The following LHPP variants were observed in gnomAD, a reference collection of about 807,000 sequenced individuals.
LHPP encodes phospholysine phosphohistidine inorganic pyrophosphate phosphatase.
Under a neutral mutation model 30.3 loss-of-function variants are expected in LHPP, and 24 were observed. The observed-to-expected ratio is 0.79, with a 90% CI of 0.57 to 1.11. The LOEUF (loss-of-function observed/expected upper bound fraction) is 1.11. Ranked by LOEUF, LHPP falls within the 50% of genes most tolerant of loss-of-function variation. The pLI is 0.00. For synonymous variants in LHPP, 150 were observed against 157.1 expected (o/e 0.95, Z 0.34); for missense variants, 356 against 367.2 (o/e 0.97, Z 0.25).
At chr10:124,516,733 C>T (rs1231463805) in intron 5 of LHPP, among the ~76,000 whole-genome samples, 1 of 152,048 alleles carries the variant, frequency 6.6e-6, no homozygotes, top group East Asian at 1.9e-4. Context: ...AAGGCAATAC[C>T]TTCACCATTG....
At chr10:124,500,952 T>C (rs1953879909) in intron 5 of LHPP, among the ~76,000 whole-genome samples, 1 of 151,898 alleles carries the variant, frequency 6.6e-6, no homozygotes. Flanking sequence ...TACACAGATA[T>C]TCATAGCAGC....
At chr10:124,604,169 T>C (rs12779515) in intron 6 of LHPP, among the ~76,000 whole-genome samples, 97,430 of 152,114 alleles carry the variant, frequency 0.64, 31,493 homozygotes, top group African/African-American at 0.65. Context: ...GGCATGTCAT[T>C]CCCCGACCTG....
chr10:124,580,230 T>C (rs887793219), intron 6 of LHPP, among the ~76,000 whole-genome samples: 3 of 152,262 alleles, frequency 2.0e-5, no homozygotes, highest in African/African-American at 7.2e-5. Flanking sequence ...ACTTTGTTTA[T>C]GGCCTCTTAT....
At position 124,488,427 on chromosome 10, in the gene LHPP, C is replaced by T. The variant is rs774113542; in HGVS notation, c.319C>T (p.Arg107Cys). ...RPYLLIHDGV[R>C]SEFDQIDTSN... ...GTCTCTCTCTCTCTTTCCAGGAGTC[C>T]GCTCAGAATTTGATCAGATCGACAC... Residue 107 changes from arginine (R) to cysteine (C), a missense_variant, in exon 3 of 7, where the codon CGC becomes TGC. By Grantham distance (180) the Arg-to-Cys change is radical (BLOSUM62 -3). Transcript: ENST00000368842. The T allele has an allele frequency of 1.9e-5, 31 of 1,613,720 alleles. No homozygotes were observed. The highest frequency in any genetic ancestry group is 2.2e-5 in the East Asian group (1 of 44,860).
At chr10:124,598,750 C>T (rs1948984952) in intron 6 of LHPP, among the ~76,000 whole-genome samples, 3 of 151,142 alleles carry the variant, frequency 2.0e-5, no homozygotes, top group Admixed American at 1.3e-4. Context: ...TCCATCCATC[C>T]CCCTGTCCAT....
intron 5 of LHPP, among the ~76,000 whole-genome samples, chr10:124,506,219 A>C (rs1954059038): frequency 6.6e-6 from 1 of 151,172 alleles, no homozygotes; most frequent in South Asian, 2.1e-4. Context: ...ACTGTACTCT[A>C]GGCTGGACAA....
At chr10:124,507,143 A>G (rs1349735063) in intron 5 of LHPP, among the ~76,000 whole-genome samples, 12 of 55,458 alleles carry the variant, frequency 2.2e-4, no homozygotes, top group South Asian at 1.0e-3. Context: ...GGGGGGTTAG[A>G]GAGGATTTCA....
At chr10:124,554,186 A>T in intron 6 of LHPP, 2 of 433,490 alleles carry the variant, frequency 4.6e-6, no homozygotes, top group Non-Finnish European at 6.1e-6. Flanking sequence ...TTATTCATTT[A>T]TTCATTTTAT....
chr10:124,469,694 C>T (rs915061765), intron 1 of LHPP, among the ~76,000 whole-genome samples: 4 of 151,842 alleles, frequency 2.6e-5, no homozygotes, highest in Non-Finnish European at 5.9e-5. Context: ...AACAAGCAAA[C>T]ATTGAGTGCC....
At chr10:124,467,217 G>T (rs1377402843) in intron 1 of LHPP, among the ~76,000 whole-genome samples, 2 of 152,084 alleles carry the variant, frequency 1.3e-5, no homozygotes, top group Non-Finnish European at 2.9e-5. Context: ...AGGTGGGGGG[G>T]CTTGGACTGG....
chr10:124,468,152 C>T (rs901802436), intron 1 of LHPP, among the ~76,000 whole-genome samples: 2 of 152,160 alleles, frequency 1.3e-5, no homozygotes, highest in Non-Finnish European at 2.9e-5. Flanking sequence ...ATAGAACTGT[C>T]CAACAAACGT....
chr10:124,575,362 A>G (rs1483080266), intron 6 of LHPP, among the ~76,000 whole-genome samples: 3 of 152,158 alleles, frequency 2.0e-5, no homozygotes, highest in Non-Finnish European at 4.4e-5. Context: ...GGACAGGCAC[A>G]CTGGGGCTTA....
chr10:124,599,268 T>C (rs1422450250), intron 6 of LHPP, among the ~76,000 whole-genome samples: 8 of 151,494 alleles, frequency 5.3e-5, no homozygotes, highest in Non-Finnish European at 5.9e-5. Flanking sequence ...AACTGTCTGT[T>C]TGTCCATTCC....
chr10:124,512,616 C>CAAA (rs34808470), intron 5 of LHPP, among the ~76,000 whole-genome samples: 52 of 53,988 alleles, frequency 9.6e-4, no homozygotes, highest in East Asian at 2.1e-3. Context: ...GACTCCGTCT[C>CAAA]AAAAAAAAAA....
In LHPP at chr10:124,496,408, G is replaced by C. The variant is rs1953710491; in HGVS notation, c.468-553G>C. ...GCCTGTCTCCACCTCCATGAGACGG[G>C]AAGGAACAGTTGTCTTCTCATAAAA... On this transcript the variant is annotated intron_variant, in intron 3 of 6. Transcript: ENST00000368842. This position sits in a 1 kb window ranked among gnomAD's most constrained non-coding sequence, Gnocchi z 4.3. Among the ~76,000 whole-genome samples the C allele has an allele frequency of 6.6e-6, 1 of 152,198 alleles. No homozygotes were observed. The highest frequency in any genetic ancestry group is 2.4e-5 in the African/African-American group (1 of 41,460).
chr10:124,511,334 C>T lies in LHPP; in HGVS notation c.625-5846C>T, dbSNP rs112195863. Among the ~76,000 whole-genome samples, 536 of 152,296 alleles carry T rather than the reference C, an allele frequency of 3.5e-3. 3 individuals carry two copies. The highest frequency in any genetic ancestry group is 0.011 in the African/African-American group (476 of 41,558). ...CACATGATTACATTAAAATGTATGTCCTTGCTCTGCCTGGAGTCAAATAGT... is the reference window on the plus strand; with the variant it reads ...CACATGATTACATTAAAATGTATGTTCTTGCTCTGCCTGGAGTCAAATAGT... On this transcript the variant is annotated intron_variant, in intron 5 of 6. Transcript: ENST00000368842.
At chr10:124,601,540 A>G (rs1157195939) in intron 6 of LHPP, among the ~76,000 whole-genome samples, 1 of 152,176 alleles carries the variant, frequency 6.6e-6, no homozygotes, top group Non-Finnish European at 1.5e-5. Context: ...TGGGCGGCCA[A>G]GCGTCACCAC....
intron 6 of LHPP, among the ~76,000 whole-genome samples, chr10:124,555,146 G>A (rs1328531455): frequency 2.0e-5 from 3 of 152,296 alleles, no homozygotes; most frequent in African/African-American, 7.2e-5. Context: ...CCCGAGTGGA[G>A]GCCCTGACCC....
intron 6 of LHPP, among the ~76,000 whole-genome samples, chr10:124,522,111 A>G (rs548205058): frequency 6.6e-6 from 1 of 152,272 alleles, no homozygotes; most frequent in African/African-American, 2.4e-5. Context: ...TCCCCAGGAA[A>G]GCATCATCCC....
Sources: gnomAD v4.1 joint callset for allele counts (sites outside exome capture counted in the v4.1 genomes callset) on GRCh38, gnomAD v4.1.1 for gene constraint, Gnocchi (gnomAD v3.1) non-coding constraint, MANE v1.5 for transcripts, NCBI Gene and HGNC (gene_info 2026-07-23, HGNC 2026-07-21) for gene names.